The following TBCD variants were observed in gnomAD, a reference collection of about 807,000 sequenced individuals.
TBCD encodes the protein tubulin-specific chaperone D.
A neutral mutation model predicts 169.3 loss-of-function variants in TBCD; 105 were observed. The observed-to-expected ratio is 0.62, with a 90% CI of 0.53 to 0.73. The LOEUF is 0.73. TBCD is among the 30% of genes least tolerant of loss of function. The pLI, the probability that TBCD is intolerant of heterozygous loss-of-function variation, is 0.00. For synonymous variants in TBCD, 700 were observed against 643.9 expected (o/e 1.09, Z -1.32); for missense variants, 1,444 against 1,600.1 (o/e 0.90, Z 1.66).
intron 12 of TBCD, among the ~76,000 whole-genome samples, chr17:82,813,270 CCTCTCTCT>C (rs150827150): frequency 6.7e-6 from 1 of 150,168 alleles, no homozygotes; most frequent in African/African-American, 2.4e-5. Context: ...TTACCCGCCT[CCTCTCTCT>C]CTCTCTCTCT....
intron 17 of TBCD, among the ~76,000 whole-genome samples, chr17:82,895,247 C>T (rs558774959): frequency 1.3e-5 from 2 of 152,352 alleles, no homozygotes; most frequent in Admixed American, 6.5e-5. Flanking sequence ...CAGGCAGGCC[C>T]CTCCAATCCT....
intron 7 of TBCD, chr17:82,795,711 C>A: frequency 3.0e-6 from 2 of 663,174 alleles, no homozygotes; most frequent in Non-Finnish European, 3.7e-6. Flanking sequence ...TGTGGCCTCG[C>A]AGGGTGGGGT....
At chr17:82,758,384 G>GAAAAAAAAAAAAAAAAAAAAAAAAAAAA in intron 2 of TBCD, among the ~76,000 whole-genome samples, 6 of 24,906 alleles carry the variant, frequency 2.4e-4, no homozygotes, top group Admixed American at 7.8e-4. Flanking sequence ...AAACGTCTCG[G>GAAAAAAAAAAAAAAAAAAAAAAAAAAAA]AAAAAAAAAA....
intron 2 of TBCD, among the ~76,000 whole-genome samples, chr17:82,756,979 A>C (rs1247133587): frequency 6.6e-6 from 1 of 152,158 alleles, no homozygotes; most frequent in Non-Finnish European, 1.5e-5. Flanking sequence ...CTTTAGTGTA[A>C]GGGGTGTGGT....
chr17:82,752,690 C>G (rs1209539723), intron 1 of TBCD, among the ~76,000 whole-genome samples: 3 of 152,280 alleles, frequency 2.0e-5, no homozygotes, highest in Admixed American at 6.5e-5. Context: ...CTCCGTCCCC[C>G]GTCTCCGTCA....
chr17:82,893,694 TC>T (rs2059297644), intron 17 of TBCD, 62 bp downstream of exon 17: 1 of 1,236,422 alleles, frequency 8.1e-7, no homozygotes. Flanking sequence ...ATGTCAGAAA[TC>T]AGCTACCACC....
intron 27 of TBCD, 57 bp downstream of exon 27, chr17:82,925,114 G>A: frequency 7.3e-7 from 1 of 1,362,636 alleles, no homozygotes; most frequent in Non-Finnish European, 1.0e-6. Flanking sequence ...GGAGCCTCGT[G>A]TGTTGGGGCA....
chr17:82,780,771 A>T (rs2048896795), intron 6 of TBCD, among the ~76,000 whole-genome samples: 1 of 147,154 alleles, frequency 6.8e-6, no homozygotes, highest in African/African-American at 2.5e-5. Context: ...TAGCCTCCTG[A>T]GTAGCTGGGA....
At chr17:82,799,029 C>T (rs1466782847) in intron 8 of TBCD, among the ~76,000 whole-genome samples, 1 of 152,242 alleles carries the variant, frequency 6.6e-6, no homozygotes, top group Non-Finnish European at 1.5e-5. Context: ...GCCACCACGC[C>T]TGGCTCAATT....
intron 13 of TBCD, among the ~76,000 whole-genome samples, chr17:82,817,388 T>C (rs1344084895): frequency 6.6e-6 from 1 of 152,154 alleles, no homozygotes; most frequent in Non-Finnish European, 1.5e-5. Context: ...CCTCCACCTC[T>C]CAGGCTCAGG....
chr17:82,803,388 G>A (rs1017229788), intron 9 of TBCD, among the ~76,000 whole-genome samples: 1 of 152,172 alleles, frequency 6.6e-6, no homozygotes, highest in African/African-American at 2.4e-5. Flanking sequence ...TGCGGCACTC[G>A]GCCTCCCAGC....
intron 13 of TBCD, among the ~76,000 whole-genome samples, chr17:82,853,638 C>G (rs1314084098): frequency 6.6e-6 from 1 of 152,030 alleles, no homozygotes; most frequent in Non-Finnish European, 1.5e-5. Context: ...CTCCTCGCCT[C>G]AAATGATCCT....
At chr17:82,910,529 G>T (rs1164686921) in intron 22 of TBCD, among the ~76,000 whole-genome samples, 1 of 151,890 alleles carries the variant, frequency 6.6e-6, no homozygotes, top group Non-Finnish European at 1.5e-5. Context: ...ATCTGCCAGT[G>T]CTTTCTCCAG....
chr17:82,804,506 C>T (rs777978628), intron 9 of TBCD, among the ~76,000 whole-genome samples: 2 of 152,216 alleles, frequency 1.3e-5, no homozygotes, highest in Admixed American at 6.5e-5. Flanking sequence ...TTGAAGGCGC[C>T]GGCCTGGCCA....
At chr17:82,937,985 G>A (rs781188841) in intron 35 of TBCD, 64 bp from the exon 36 acceptor site, 4 of 1,596,812 alleles carry the variant, frequency 2.5e-6, no homozygotes, top group Non-Finnish European at 2.6e-6. Flanking sequence ...TTTGGGTCCG[G>A]GGTTTGCTGG....
Position 82,929,395 on chromosome 17 carries a change from T to C in TBCD, c.2886T>C (p.Pro962=). 1 of 1,613,038 alleles carries C rather than the reference T, an allele frequency of 6.2e-7. No homozygotes were observed. Among genetic ancestry groups the C allele is most frequent in the Non-Finnish European group, 8.5e-7 (1 of 1,179,800 alleles). ...TGGCCTCCGTGAACTGGAGTGCACC[T>C]TCCCAGGCCTTCCCACGCATCACCC... ...SDVASVNWSA[P]SQAFPRITQL... is the part of the protein sequence containing the mutation. Residue 962 remains proline (P), a synonymous_variant, in exon 32 of 39, where the codon CCT becomes CCC. Transcript: ENST00000355528.
intron 11 of TBCD, among the ~76,000 whole-genome samples, 189 bp downstream of exon 11, chr17:82,807,857 G>A (rs1251435113): frequency 1.3e-5 from 2 of 152,202 alleles, no homozygotes; most frequent in Non-Finnish European, 2.9e-5. Context: ...GGTCTCCTCC[G>A]TCCTCCTGCC....
chr17:82,919,753 TC>T (rs1222447708), intron 23 of TBCD, among the ~76,000 whole-genome samples: 1 of 152,074 alleles, frequency 6.6e-6, no homozygotes, highest in African/African-American at 2.4e-5. Flanking sequence ...TCTGGTCTGT[TC>T]AGTTTGATGA....
rs576165642 is a variant in TBCD, at chr17:82,847,998, G to C, written c.1319-22226G>C. Reference sequence around the variant, plus strand: ...CAGACGAGTGGGAGTAGAGCAAACGGCCCCTGTCTGTTGCCCCTTTTTCCT... The same window carrying C: ...CAGACGAGTGGGAGTAGAGCAAACGCCCCCTGTCTGTTGCCCCTTTTTCCT... On this transcript the variant is annotated intron_variant, in intron 13 of 38. Coordinates refer to ENST00000355528, the MANE Select transcript of TBCD (RefSeq NM_005993.5). 1.5e-3 allele frequency among the ~76,000 whole-genome samples: 229 copies of C among 152,294 alleles called. 3 individuals carry two copies. The highest frequency in any genetic ancestry group is 2.8e-3 in the Non-Finnish European group (189 of 68,026).
Sources: allele counts gnomAD v4.1 joint callset (sites outside exome capture counted in the v4.1 genomes callset), GRCh38; gene constraint gnomAD v4.1.1; transcripts MANE v1.5; gene names NCBI Gene and HGNC (gene_info 2026-07-23, HGNC 2026-07-21).